The following SP140 variants were observed in gnomAD, a reference collection of about 807,000 sequenced individuals.
The protein encoded by SP140 is nuclear body protein SP140.
A neutral mutation model predicts 125.0 loss-of-function variants in SP140; 81 were observed. That is an observed-to-expected ratio of 0.65 (90% CI 0.54 to 0.78). The LOEUF is 0.78. Ranked by LOEUF, SP140 falls within the 30% of genes least tolerant of loss-of-function variation. SP140 has a pLI of 0.00. For missense variants in SP140, 858 were observed against 1,037.0 expected, an observed-to-expected ratio of 0.83 and a Z score of 2.37; for synonymous variants, 312 against 354.0, an observed-to-expected ratio of 0.88 and a Z score of 1.33.
In SP140 at chr2:230,245,087, A is replaced by G; in HGVS notation, c.664+7A>G. On this transcript the variant is annotated splice_region_variant and intron_variant, in intron 6 of 26. Coordinates refer to ENST00000392045, the MANE Select transcript of SP140 (RefSeq NM_007237.5). ...CTACTACCAGGTGGGGGAGGTAATT[A>G]TGATTTAAATGACCAATTATCTCAT... is the stretch of plus-strand genomic sequence containing the variant. 6.4e-7 allele frequency: 1 copy of G among 1,572,202 alleles called. No homozygotes were observed. Among genetic ancestry groups the G allele is most frequent in the African/African-American group, 1.4e-5 (1 of 74,064 alleles).
intron 22 of SP140, 120 bp downstream of exon 22, chr2:230,297,582 G>A (rs1257545462): frequency 3.3e-6 from 4 of 1,207,480 alleles, no homozygotes; most frequent in South Asian, 2.8e-5. Flanking sequence ...GTATGTGGCT[G>A]TGTGAATTCA....
At chr2:230,251,559 T>G (rs776273639) in intron 10 of SP140, among the ~76,000 whole-genome samples, 2 of 152,214 alleles carry the variant, frequency 1.3e-5, no homozygotes, top group African/African-American at 2.4e-5. Context: ...GAATTTAAAA[T>G]TCTATTCTCA....
At chr2:230,307,257 TTCG>T (rs1466381841) in intron 22 of SP140, among the ~76,000 whole-genome samples, 1 of 152,258 alleles carries the variant, frequency 6.6e-6, no homozygotes, top group Non-Finnish European at 1.5e-5. Context: ...AAAGCTCCTC[TTCG>T]TCTTGCTCAC....
At chr2:230,232,861 C>G (rs2047448827) in intron 1 of SP140, among the ~76,000 whole-genome samples, 1 of 152,098 alleles carries the variant, frequency 6.6e-6, no homozygotes. Context: ...AAAGATTTCC[C>G]CATTAGTAAT....
intron 3 of SP140, chr2:230,219,937 A>C: frequency 5.1e-6 from 5 of 985,480 alleles, no homozygotes; most frequent in Non-Finnish European, 6.0e-6. Context: ...ACTCCTCAAG[A>C]TTGGGAGAGT....
In SP140 at chr2:230,269,605, T is replaced by C; in HGVS notation, c.1314T>C (p.Tyr438=). 6.4e-7 allele frequency: 1 copy of C among 1,572,012 alleles called. No individual in the cohort carries two copies. The highest frequency in any genetic ancestry group is 1.2e-5 in the South Asian group (1 of 86,942). Residue 438 remains tyrosine, a synonymous_variant, in exon 13 of 27, where the codon TAT becomes TAC. Transcript: ENST00000392045. ...AAGAGCTTGCTTCTAGCCTGCTATA[T>C]GATAATGTACCAGGTAATTATGACT... ...ESEELASSLL[Y]DNVPGAEQSA...
chr2:230,305,660 G>A (rs146232455), intron 22 of SP140, among the ~76,000 whole-genome samples: 74 of 152,328 alleles, frequency 4.9e-4, no homozygotes, highest in African/African-American at 1.7e-3. Flanking sequence ...ACTTGCACAC[G>A]TAGCGTGGGG....
intron 1 of SP140, among the ~76,000 whole-genome samples, chr2:230,231,611 AG>A (rs141279012): frequency 0.094 from 14,284 of 152,230 alleles, 888 homozygotes; most frequent in Non-Finnish European, 0.12. Flanking sequence ...AACGTGTCAG[AG>A]GGGGAAGTGG....
chr2:230,224,139 CTAG>C (rs968170879), upstream of SP140, among the ~76,000 whole-genome samples: 2 of 152,228 alleles, frequency 1.3e-5, no homozygotes, highest in Admixed American at 1.3e-4. Context: ...GTAGGGCTTT[CTAG>C]TAGTAGCAGC....
the SP140 span, among the ~76,000 whole-genome samples, chr2:230,192,372 A>G: frequency 6.6e-6 from 1 of 152,174 alleles, no homozygotes; most frequent in East Asian, 1.9e-4. Flanking sequence ...ACATGATTAT[A>G]TACTTAGAAA....
intron 15 of SP140, among the ~76,000 whole-genome samples, chr2:230,275,313 A>G (rs910217655): frequency 3.3e-5 from 5 of 152,114 alleles, no homozygotes; most frequent in Non-Finnish European, 7.4e-5. Context: ...GTGTCAAAAA[A>G]AGTCTGTTGG....
At chr2:230,259,699 A>AC (rs1431253913) in intron 12 of SP140, among the ~76,000 whole-genome samples, 1 of 147,848 alleles carries the variant, frequency 6.8e-6, no homozygotes, top group Non-Finnish European at 1.5e-5. Context: ...AAAAAAAAAT[A>AC]GTCTCCAATC....
chr2:230,255,504 C>G lies in SP140; in HGVS notation c.1212C>G (p.Ala404=), dbSNP rs1335503206. 1 of 1,612,400 alleles carries G rather than the reference C, an allele frequency of 6.2e-7. No homozygotes were observed. Among genetic ancestry groups the G allele is most frequent in the Admixed American group, 1.7e-5 (1 of 59,846 alleles). ...EMCDGEERQE[A]SSSLARRGSV... The stretch of plus-strand genomic sequence containing the variant: ...GTGATGGAGAAGAGCGCCAGGAAGC[C>G]TCTAGCTCCCTAGCAAGACGTGGGT... Residue 404 remains alanine, a synonymous_variant, in exon 12 of 27, where the codon GCC becomes GCG. Transcript: ENST00000392045.
chr2:230,199,639 C>CT (rs1574660173), upstream of SP140, among the ~76,000 whole-genome samples: 4 of 151,904 alleles, frequency 2.6e-5, no homozygotes, highest in African/African-American at 9.7e-5. Flanking sequence ...CTTTTATGGC[C>CT]TAGAATGGCA....
intron 1 of SP140, among the ~76,000 whole-genome samples, chr2:230,234,463 A>G (rs974659672): frequency 2.0e-5 from 3 of 152,228 alleles, no homozygotes; most frequent in African/African-American, 4.8e-5. Flanking sequence ...GTCCTTGTCT[A>G]TCTAAGTATT....
intron 15 of SP140, among the ~76,000 whole-genome samples, chr2:230,273,920 G>A (rs2054321419): frequency 2.6e-5 from 4 of 152,110 alleles, no homozygotes; most frequent in South Asian, 2.1e-4. Context: ...ACACCTAGAG[G>A]AGAACAACAC....
At chr2:230,293,822 A>G (rs1164635579) in intron 20 of SP140, among the ~76,000 whole-genome samples, 1 of 151,948 alleles carries the variant, frequency 6.6e-6, no homozygotes, top group South Asian at 2.1e-4. Flanking sequence ...TTTTATATTT[A>G]TTATTTTGTG....
At chr2:230,216,641 C>T (rs2148951186) in intron 3 of SP140, 3 of 1,002,234 alleles carry the variant, frequency 3.0e-6, no homozygotes, top group Non-Finnish European at 4.7e-6. Flanking sequence ...TCCTAACTAC[C>T]CCCACCTTCT....
chr2:230,197,030 T>A, the SP140 span, among the ~76,000 whole-genome samples: 1 of 151,530 alleles, frequency 6.6e-6, no homozygotes, highest in African/African-American at 2.4e-5. Context: ...TATAGCAGCA[T>A]GATTTATAAT....
Sources: gnomAD v4.1 joint callset for allele counts (sites outside exome capture counted in the v4.1 genomes callset) on GRCh38, gnomAD v4.1.1 for gene constraint, MANE v1.5 for transcripts, NCBI Gene and HGNC (gene_info 2026-07-23, HGNC 2026-07-21) for gene names.